TNS1: variants seen among roughly 807,000 people sequenced by gnomAD.
The protein encoded by TNS1 is tensin-1.
TNS1 carries 62 observed loss-of-function variants against 168.6 expected under a neutral mutation model. That is an observed-to-expected ratio of 0.37 (90% CI 0.30 to 0.45). The LOEUF is 0.45. TNS1 is among the 20% of genes least tolerant of loss of function. The pLI is 1.00. For missense variants in TNS1, 2,240 were observed against 2,339.4 expected (o/e 0.96, Z 0.88); for synonymous variants, 934 against 933.2 (o/e 1.00, Z -0.02).
intron 2 of TNS1, among the ~76,000 whole-genome samples, chr2:217,979,899 G>A (rs569171991): frequency 2.6e-5 from 4 of 151,944 alleles, no homozygotes; most frequent in African/African-American, 9.7e-5. Flanking sequence ...TGGATCTATT[G>A]CACCCCACCC....
intron 6 of TNS1, 114 bp downstream of exon 6, chr2:217,906,221 T>C: frequency 1.5e-6 from 1 of 652,096 alleles, no homozygotes; most frequent in East Asian, 2.7e-5. Flanking sequence ...CCTCTCCTTC[T>C]AGAGAGAGGT....
chr2:217,968,376 GTAT>G (rs1296449681), intron 3 of TNS1, among the ~76,000 whole-genome samples: 7 of 152,230 alleles, frequency 4.6e-5, no homozygotes, highest in Admixed American at 4.6e-4. Flanking sequence ...ACATCATCTT[GTAT>G]GTAGAAAATC....
Position 217,986,884 on chromosome 2 carries a change from A to C in TNS1, c.148+4058T>G, listed in dbSNP as rs1224135665. 1.3e-5 allele frequency: 2 copies of C among 152,268 alleles called. No homozygotes were observed. Among genetic ancestry groups the C allele is most frequent in the Non-Finnish European group, 2.9e-5 (2 of 68,080 alleles). 9.4% of individuals were successfully genotyped at this position (152,268 alleles called of 1,614,324 possible). On this transcript the variant is annotated intron_variant, in intron 2 of 32. Transcript: ENST00000682258. This position sits in a 1 kb window ranked among gnomAD's most constrained non-coding sequence, Gnocchi z 4.7. ...GGACCTGGCACAGCATCTGACCCAG[A>C]GGACAGCTCAGTTCATGATTGCCAG...
Position 218,033,327 on chromosome 2 carries a change from C to T in TNS1, c.156+493G>A, listed in dbSNP as rs1013538468. On this transcript the variant is annotated intron_variant, in intron 1 of 1. Coordinates refer to the TNS1 transcript ENST00000649572. The surrounding 1 kb of genome is among the most constrained non-coding windows in gnomAD (Gnocchi z 4.3). ...CCCACTTGCTAGTCTCTGAGACTTA[C>T]CCAGCACAGAGAAGGCAGGGGTGAG... 5.9e-5 allele frequency among the ~76,000 whole-genome samples: 9 copies of T among 152,076 alleles called. No homozygotes were observed. Among genetic ancestry groups the T allele is most frequent in the African/African-American group, 1.9e-4 (8 of 41,418 alleles).
At chr2:218,012,448 C>A (rs1370116069), upstream of TNS1, among the ~76,000 whole-genome samples, 1 of 152,146 alleles carries the variant, frequency 6.6e-6, no homozygotes, top group African/African-American at 2.4e-5. Context: ...TCCAAGGCTT[C>A]CCCGCCTGAA....
In TNS1 at chr2:217,848,099, G is replaced by T. The variant is rs1240189452; in HGVS notation, c.2418C>A (p.Ser806Arg). 3.2e-6 allele frequency: 5 copies of T among 1,566,704 alleles called. No homozygotes were observed. The highest frequency in any genetic ancestry group is 3.5e-6 in the Non-Finnish European group (4 of 1,157,076). Residue 806 changes from serine to arginine, a missense_variant, in exon 19 of 33, where the codon AGC becomes AGA. Coordinates refer to ENST00000682258, the MANE Select transcript of TNS1 (RefSeq NM_001387777.1). ...HLESLVASRP[S>R]PQPLAETPIP... ...TGGGGGTCTCTGCCAATGGCTGAGG[G>T]CTGGGCCTGCTGGCTACAAGACTCT...
At chr2:217,849,783 C>T in intron 18 of TNS1, 1 of 985,418 alleles carries the variant, frequency 1.0e-6, no homozygotes, top group Non-Finnish European at 1.2e-6. Flanking sequence ...CGGCCAGTCG[C>T]CCCGAGGATA....
chr2:217,904,978 A>G (rs565299265), intron 6 of TNS1, among the ~76,000 whole-genome samples: 8 of 152,304 alleles, frequency 5.3e-5, no homozygotes, highest in African/African-American at 1.9e-4. Context: ...GCATTCACCA[A>G]ATCATTCAGC....
intron 32 of TNS1, among the ~76,000 whole-genome samples, chr2:217,805,884 C>CCACA (rs57846949): frequency 0.079 from 11,569 of 147,182 alleles, 1,322 homozygotes; most frequent in African/African-American, 0.26. Flanking sequence ...TATACACACA[C>CCACA]CACACACACA....
At chr2:217,973,462 C>T (rs181645460) in intron 3 of TNS1, among the ~76,000 whole-genome samples, 59 of 151,766 alleles carry the variant, frequency 3.9e-4, no homozygotes, top group Non-Finnish European at 6.3e-4. Flanking sequence ...CAGATAAGGA[C>T]CCCAATGAGG....
intron 2 of TNS1, 118 bp from the exon 3 acceptor site, chr2:217,978,920 A>G: frequency 3.0e-6 from 2 of 667,884 alleles, no homozygotes; most frequent in South Asian, 3.1e-5. Flanking sequence ...GGAGGGAAGG[A>G]GGGACGGAGG....
At chr2:217,975,446 C>T (rs570784482) in intron 3 of TNS1, among the ~76,000 whole-genome samples, 2 of 152,284 alleles carry the variant, frequency 1.3e-5, no homozygotes, top group Admixed American at 6.5e-5. Context: ...TCAGAACTAT[C>T]GCTTCGTGCT....
At chr2:217,877,543 C>T (rs1448670598) in intron 18 of TNS1, among the ~76,000 whole-genome samples, 7 of 152,310 alleles carry the variant, frequency 4.6e-5, no homozygotes, top group Non-Finnish European at 1.0e-4. Context: ...CCCTCCCTCT[C>T]GGGTTTTATG....
At chr2:217,805,752 CAT>C (rs771907105) in intron 32 of TNS1, among the ~76,000 whole-genome samples, 2,469 of 118,670 alleles carry the variant, frequency 0.021, 74 homozygotes, top group African/African-American at 0.07. Flanking sequence ...TACCACCACA[CAT>C]ACACACCACA....
chr2:217,886,408 A>G (rs1951203752), intron 13 of TNS1, 126 bp downstream of exon 13: 3 of 771,364 alleles, frequency 3.9e-6, no homozygotes, highest in South Asian at 3.3e-5. Context: ...TGAGAGTCCA[A>G]TGGAGGCCTT....
intron 1 of TNS1, among the ~76,000 whole-genome samples, chr2:218,025,801 C>T (rs1394171416): frequency 2.0e-5 from 3 of 152,138 alleles, no homozygotes; most frequent in Admixed American, 6.5e-5. Context: ...CTCAGCCTGC[C>T]GGGTGGCTGG....
chr2:217,813,812 G>T lies in TNS1; in HGVS notation c.4734C>A (p.Ile1578=), dbSNP rs767025597. ...YKPEISREQA[I]ALLKDQEPGA... ...CCGGCTCCTGGTCCTTGAGGAGCGC[G>T]ATGGCTGCATGGGGAAGGGACAAGG... is the stretch of plus-strand genomic sequence containing the variant. Residue 1578 remains isoleucine (I), a synonymous_variant, in exon 26 of 33, where the codon ATC becomes ATA. Coordinates refer to ENST00000682258, the MANE Select transcript of TNS1 (RefSeq NM_001387777.1). This position sits in a 1 kb window ranked among gnomAD's most constrained non-coding sequence, Gnocchi z 4.0. 58 of 1,609,492 alleles carry T rather than the reference G, an allele frequency of 3.6e-5. No individual in the cohort carries two copies. Among genetic ancestry groups the T allele is most frequent in the Non-Finnish European group, 4.8e-5 (57 of 1,177,922 alleles).
chr2:217,988,423 C>G lies in TNS1; in HGVS notation c.148+2519G>C, dbSNP rs1958256770. Reference sequence around the variant, plus strand: ...CTGCAGCCAGAGAAATGCCCAAGGTCACACAGTGAATGTTGGCAGGACTTC... The same window carrying G: ...CTGCAGCCAGAGAAATGCCCAAGGTGACACAGTGAATGTTGGCAGGACTTC... On this transcript the variant is annotated intron_variant, in intron 2 of 32. Coordinates refer to ENST00000682258, the MANE Select transcript of TNS1 (RefSeq NM_001387777.1). Among the ~76,000 whole-genome samples the G allele has an allele frequency of 2.0e-5, 3 of 152,180 alleles. No homozygotes were observed. In the South Asian group the frequency reaches 6.2e-4, roughly 32 times the overall value.
intron 3 of TNS1, among the ~76,000 whole-genome samples, chr2:217,942,771 C>T (rs569768959): frequency 1.2e-4 from 18 of 152,078 alleles, no homozygotes; most frequent in South Asian, 8.3e-4. Flanking sequence ...CCCCCACAAC[C>T]GCCTGCCTGC....
Sources: gnomAD v4.1 joint callset for allele counts (sites outside exome capture counted in the v4.1 genomes callset) on GRCh38, gnomAD v4.1.1 for gene constraint, Gnocchi (gnomAD v3.1) non-coding constraint, MANE v1.5 for transcripts, NCBI Gene and HGNC (gene_info 2026-07-23, HGNC 2026-07-21) for gene names.